Variants in NELL1 observed in about 807,000 individuals in gnomAD.
NELL1 encodes the protein neural EGFL like 1.
Under a neutral mutation model 107.4 loss-of-function variants are expected in NELL1, and 76 were observed. The ratio of observed to expected loss-of-function variants is 0.71; its 90% CI spans 0.59 to 0.86. The LOEUF is 0.86. NELL1 is among the 40% of genes least tolerant of loss of function. NELL1 has a pLI of 0.00. For synonymous variants in NELL1, 353 were observed against 341.2 expected (o/e 1.03, Z -0.38); for missense variants, 1,024 against 1,005.5 (o/e 1.02, Z -0.25).
chr11:21,457,526 C>G lies in NELL1; in HGVS notation c.1646-76848C>G, dbSNP rs998823113. On this transcript the variant is annotated intron_variant, in intron 15 of 19. Coordinates refer to ENST00000357134, the MANE Select transcript of NELL1 (RefSeq NM_006157.5). The stretch of plus-strand genomic sequence containing the variant: ...TGAAACACAGGCAGAGATAGCAGTG[C>G]TCTTCACCAAAATTGTCAATACTAG... 5.9e-5 allele frequency among the ~76,000 whole-genome samples: 9 copies of G among 152,098 alleles called. No individual in the cohort carries two copies. The South Asian group carries it at 8.3e-4, about 14-fold the overall frequency.
intron 4 of NELL1, among the ~76,000 whole-genome samples, chr11:20,850,358 G>C (rs1238128703): frequency 6.6e-6 from 1 of 152,160 alleles, no homozygotes; most frequent in Non-Finnish European, 1.5e-5. Flanking sequence ...TCACCCAGTA[G>C]TGTTCTGCTG....
At chr11:21,466,714 A>G (rs1290166557) in intron 15 of NELL1, among the ~76,000 whole-genome samples, 1 of 152,118 alleles carries the variant, frequency 6.6e-6, no homozygotes, top group African/African-American at 2.4e-5. Context: ...TCCAATCAAC[A>G]GAGTTTGGGT....
chr11:21,147,272 T>C (rs1473900962), intron 13 of NELL1, among the ~76,000 whole-genome samples: 1 of 152,150 alleles, frequency 6.6e-6, no homozygotes, highest in Non-Finnish European at 1.5e-5. Flanking sequence ...CTGAGAGTTT[T>C]CTCAGAGCCT....
chr11:21,184,976 G>C (rs1173343958), intron 13 of NELL1, among the ~76,000 whole-genome samples: 3 of 151,942 alleles, frequency 2.0e-5, no homozygotes, highest in Admixed American at 2.0e-4. Flanking sequence ...GATAATTACT[G>C]ATGCTTTAAC....
chr11:20,772,730 C>T (rs1327776580), intron 2 of NELL1, among the ~76,000 whole-genome samples: 1 of 152,164 alleles, frequency 6.6e-6, no homozygotes, highest in African/African-American at 2.4e-5. Flanking sequence ...ACAGCAGGTA[C>T]TTGGCAGAGC....
At chr11:20,783,121 G>T (rs548848693) in intron 2 of NELL1, among the ~76,000 whole-genome samples, 1 of 152,266 alleles carries the variant, frequency 6.6e-6, no homozygotes, top group East Asian at 1.9e-4. Flanking sequence ...CATTATTAGT[G>T]CTAGTAAATA....
intron 3 of NELL1, among the ~76,000 whole-genome samples, chr11:20,845,889 T>C (rs1848694578): frequency 6.6e-6 from 1 of 152,198 alleles, no homozygotes; most frequent in African/African-American, 2.4e-5. Flanking sequence ...TTTTTAGTTT[T>C]TCATTATGTG....
rs577039144 is a variant in NELL1 at position 21,573,279 on chromosome 11, G to A, written c.2252G>A (p.Ser751Asn). ...LEGECCPRCVSDPCLADNITY... is the reference protein window; with the variant it reads ...LEGECCPRCVNDPCLADNITY... ...GGGGAATGTTGTCCCCGCTGTGTCA[G>A]TGACCCCTGCCTAGCTGATAACATC... The change falls in exon 19 of 20, where the codon AGT (serine) becomes AAT (asparagine). Residue 751 changes from serine (S) to asparagine (N), a missense_variant. By Grantham distance (46) the Ser-to-Asn change is conservative. Coordinates refer to ENST00000357134, the MANE Select transcript of NELL1 (RefSeq NM_006157.5). The A allele has an allele frequency of 1.5e-4, 234 of 1,612,538 alleles. 1 individual carries two copies. The South Asian group carries it at 2.3e-3, about 16-fold the overall frequency.
intron 14 of NELL1, among the ~76,000 whole-genome samples, chr11:21,236,838 A>G (rs973127726): frequency 6.6e-6 from 1 of 152,148 alleles, no homozygotes; most frequent in African/African-American, 2.4e-5. Context: ...AAGTTACTAA[A>G]CACACGTTAA....
intron 14 of NELL1, among the ~76,000 whole-genome samples, chr11:21,235,772 G>A (rs1387500815): frequency 2.0e-5 from 3 of 152,090 alleles, no homozygotes; most frequent in Non-Finnish European, 4.4e-5. Context: ...ACATACAATG[G>A]TAAGAATTAG....
chr11:21,297,337 A>T (rs1252989568), intron 14 of NELL1, among the ~76,000 whole-genome samples: 1 of 152,058 alleles, frequency 6.6e-6, no homozygotes, highest in Non-Finnish European at 1.5e-5. Context: ...ATGGTACTTC[A>T]TCTAGTTTTG....
At position 21,336,674 on chromosome 11, in the gene NELL1, T is replaced by TATATATACACAC. The variant is rs55720144; in HGVS notation, c.1550-34178_1550-34177insTATATACACACA. 2.5e-4 allele frequency among the ~76,000 whole-genome samples: 32 copies of TATATATACACAC among 130,530 alleles called. 1 individual carries two copies. The highest frequency in any genetic ancestry group is 8.1e-3 in the Middle Eastern group (2 of 246). 85.6% of individuals were successfully genotyped at this position (130,530 alleles called of 152,430 possible). On this transcript the variant is annotated intron_variant, in intron 14 of 19. Transcript: ENST00000357134. ...GTGTATATATATATATATATATATA[T>TATATATACACAC]ACACACACACACACACATTAAACAG... is the stretch of plus-strand genomic sequence containing the variant.
At chr11:21,199,992 C>T (rs1322518094) in intron 13 of NELL1, among the ~76,000 whole-genome samples, 4 of 152,018 alleles carry the variant, frequency 2.6e-5, no homozygotes, top group Admixed American at 6.6e-5. Context: ...GTTTTATGGC[C>T]GCATAGTATT....
At chr11:20,802,027 G>A (rs1200145038) in intron 3 of NELL1, among the ~76,000 whole-genome samples, 3 of 152,042 alleles carry the variant, frequency 2.0e-5, no homozygotes, top group Non-Finnish European at 4.4e-5. Flanking sequence ...GATTCCTCCA[G>A]TTTTCTTTTT....
intron 14 of NELL1, among the ~76,000 whole-genome samples, chr11:21,331,201 G>A (rs1850265844): frequency 6.6e-6 from 1 of 151,702 alleles, no homozygotes; most frequent in Non-Finnish European, 1.5e-5. Context: ...TTCATATCTA[G>A]TCCTTCTCAT....
chr11:21,572,904 A>G (rs1335495791), intron 18 of NELL1, among the ~76,000 whole-genome samples: 3 of 151,920 alleles, frequency 2.0e-5, no homozygotes, highest in African/African-American at 7.2e-5. Context: ...GCTAATTATG[A>G]TATAAGTATC....
intron 16 of NELL1, among the ~76,000 whole-genome samples, chr11:21,542,852 A>G (rs1192949132): frequency 2.0e-5 from 3 of 152,124 alleles, no homozygotes; most frequent in Non-Finnish European, 2.9e-5. Context: ...TGAAAAATAA[A>G]GAAATTATAT....
At chr11:21,264,151 G>A (rs1297940311) in intron 14 of NELL1, among the ~76,000 whole-genome samples, 2 of 150,618 alleles carry the variant, frequency 1.3e-5, no homozygotes, top group Non-Finnish European at 3.0e-5. Flanking sequence ...GTGGGAGGGG[G>A]AATGTAGCAC....
At chr11:20,763,925 A>G (rs1856477756) in intron 2 of NELL1, among the ~76,000 whole-genome samples, 1 of 152,244 alleles carries the variant, frequency 6.6e-6, no homozygotes, top group Non-Finnish European at 1.5e-5. Flanking sequence ...ATAGGGGGCC[A>G]GCCAGGTAAC....
Sources: allele counts gnomAD v4.1 joint callset (sites outside exome capture counted in the v4.1 genomes callset), GRCh38; gene constraint gnomAD v4.1.1; transcripts MANE v1.5; gene names NCBI Gene and HGNC (gene_info 2026-07-23, HGNC 2026-07-21).